Variants in LRRC4C observed in about 807,000 individuals in gnomAD.
The protein encoded by LRRC4C is leucine rich repeat containing 4C.
A neutral mutation model predicts 33.6 loss-of-function variants in LRRC4C; 5 were observed. The ratio of observed to expected loss-of-function variants is 0.15; its 90% CI spans 0.08 to 0.31. The LOEUF (loss-of-function observed/expected upper bound fraction) is 0.31. Ranked by LOEUF, LRRC4C falls within the 10% of genes least tolerant of loss-of-function variation. The probability of loss-of-function intolerance (pLI) is 1.00; values close to 1 mark genes in which losing one functional copy is unlikely to be tolerated. For synonymous variants in LRRC4C, 329 were observed against 302.0 expected (o/e 1.09, Z -0.93); for missense variants, 560 against 796.7 (o/e 0.70, Z 3.58).
At chr11:41,418,358 G>C (rs985057880) in intron 1 of LRRC4C, among the ~76,000 whole-genome samples, 1 of 151,920 alleles carries the variant, frequency 6.6e-6, no homozygotes, top group Non-Finnish European at 1.5e-5. Context: ...GTGCACTATA[G>C]AAGCAAGTAT....
intron 1 of LRRC4C, among the ~76,000 whole-genome samples, chr11:41,212,539 G>C (rs1203851532): frequency 1.3e-5 from 2 of 152,170 alleles, no homozygotes; most frequent in African/African-American, 4.8e-5. Flanking sequence ...TAGGTATTAA[G>C]CTCAGCATAC....
intron 6 of LRRC4C, among the ~76,000 whole-genome samples, chr11:40,120,729 G>A (rs1855764284): frequency 6.6e-6 from 1 of 152,092 alleles, no homozygotes; most frequent in Non-Finnish European, 1.5e-5. Flanking sequence ...AATAGCACAA[G>A]AGTAAAGAAG....
chr11:41,095,824 ATC>A (rs1440425241), intron 1 of LRRC4C, among the ~76,000 whole-genome samples: 1 of 152,158 alleles, frequency 6.6e-6, no homozygotes, highest in Non-Finnish European at 1.5e-5. Context: ...TTTGATTTCC[ATC>A]TGTCTGACTC....
At chr11:41,137,938 T>G (rs1462768673) in intron 1 of LRRC4C, among the ~76,000 whole-genome samples, 1 of 152,192 alleles carries the variant, frequency 6.6e-6, no homozygotes, top group Admixed American at 6.5e-5. Flanking sequence ...CTAGATGATA[T>G]ACTAGTTGTT....
chr11:40,968,845 G>C (rs546532555), intron 1 of LRRC4C, among the ~76,000 whole-genome samples: 2 of 152,254 alleles, frequency 1.3e-5, no homozygotes, highest in East Asian at 3.9e-4. Context: ...TGTACAAGGA[G>C]ATTACTGTTA....
intron 1 of LRRC4C, among the ~76,000 whole-genome samples, chr11:40,963,540 C>A (rs751505136): frequency 6.6e-6 from 1 of 151,674 alleles, no homozygotes; most frequent in Admixed American, 6.6e-5. Context: ...GACTGCCTTA[C>A]AATATAGCTC....
intron 3 of LRRC4C, among the ~76,000 whole-genome samples, chr11:40,513,886 G>A (rs1010857977): frequency 3.3e-5 from 5 of 152,204 alleles, no homozygotes; most frequent in African/African-American, 1.2e-4. Context: ...ACAGGAAAGG[G>A]TGATAGAAAC....
chr11:40,581,762 G>A (rs1443341108), intron 3 of LRRC4C, among the ~76,000 whole-genome samples: 2 of 152,068 alleles, frequency 1.3e-5, no homozygotes, highest in Non-Finnish European at 2.9e-5. Context: ...AATTAGCTGG[G>A]CATGGTGGCA....
chr11:41,271,723 A>T (rs1949327608), intron 1 of LRRC4C, among the ~76,000 whole-genome samples: 1 of 152,086 alleles, frequency 6.6e-6, no homozygotes, highest in Non-Finnish European at 1.5e-5. Flanking sequence ...GAGACCAGGA[A>T]TTGTTTTGCT....
intron 1 of LRRC4C, among the ~76,000 whole-genome samples, chr11:41,107,585 TTAAA>T (rs1414689416): frequency 6.6e-6 from 1 of 152,142 alleles, no homozygotes; most frequent in African/African-American, 2.4e-5. Flanking sequence ...TGAAGATTAT[TTAAA>T]TGAGAAGATT....
At chr11:40,481,488 G>T (rs1565432392) in intron 3 of LRRC4C, among the ~76,000 whole-genome samples, 1 of 152,080 alleles carries the variant, frequency 6.6e-6, no homozygotes, top group African/African-American at 2.4e-5. Context: ...ACTGTTGATT[G>T]TCAGGTGGAT....
intron 2 of LRRC4C, among the ~76,000 whole-genome samples, chr11:40,716,865 G>A (rs1365901269): frequency 1.3e-5 from 2 of 152,150 alleles, no homozygotes; most frequent in Non-Finnish European, 2.9e-5. Context: ...TCAGGGAGGT[G>A]ACCATTAGAA....
At chr11:41,141,203 T>C (rs1383120815) in intron 1 of LRRC4C, among the ~76,000 whole-genome samples, 1 of 152,090 alleles carries the variant, frequency 6.6e-6, no homozygotes, top group Non-Finnish European at 1.5e-5. Flanking sequence ...ACCAGGTTTT[T>C]AAAATTATCC....
At chr11:40,348,337 C>G (rs1947231394) in intron 3 of LRRC4C, among the ~76,000 whole-genome samples, 1 of 151,624 alleles carries the variant, frequency 6.6e-6, no homozygotes, top group Non-Finnish European at 1.5e-5. Context: ...TCACCTCAAG[C>G]CAGAAAAAAA....
In LRRC4C at chr11:40,331,363, C is replaced by T. The variant is rs534285287; in HGVS notation, c.-269-11642G>A. Among the ~76,000 whole-genome samples, 3 of 152,276 alleles carry T rather than the reference C, an allele frequency of 2.0e-5. No homozygotes were observed. In the South Asian group the frequency reaches 6.2e-4, roughly 32 times the overall value. ...AAGTCGTATCTGCATTCCCTTGTTT[C>T]TTGCAACACTATTTACAATAGCCAA... On this transcript the variant is annotated intron_variant, in intron 3 of 6. Transcript: ENST00000528697.
chr11:41,167,239 T>G (rs1244970554), intron 1 of LRRC4C, among the ~76,000 whole-genome samples: 2 of 152,176 alleles, frequency 1.3e-5, no homozygotes, highest in Non-Finnish European at 2.9e-5. Flanking sequence ...CTGGTATGCT[T>G]GAGTTGAAAA....
intron 1 of LRRC4C, among the ~76,000 whole-genome samples, chr11:41,272,231 G>A (rs1275345550): frequency 2.0e-5 from 3 of 152,122 alleles, no homozygotes; most frequent in Non-Finnish European, 2.9e-5. Flanking sequence ...TGCTGTGGAT[G>A]TCTGTGAAGT....
intron 1 of LRRC4C, among the ~76,000 whole-genome samples, chr11:41,230,304 C>T (rs1384261887): frequency 6.6e-6 from 1 of 151,998 alleles, no homozygotes; most frequent in East Asian, 1.9e-4. Flanking sequence ...CATGATTTTT[C>T]CAAATAATCC....
chr11:40,712,059 T>A (rs940034486), intron 2 of LRRC4C, among the ~76,000 whole-genome samples: 1 of 152,162 alleles, frequency 6.6e-6, no homozygotes, highest in Admixed American at 6.5e-5. Context: ...ACAGGAGGGC[T>A]AAAGGCAAGG....
Sources: gnomAD v4.1 joint callset for allele counts (sites outside exome capture counted in the v4.1 genomes callset) on GRCh38, gnomAD v4.1.1 for gene constraint, MANE v1.5 for transcripts, NCBI Gene and HGNC (gene_info 2026-07-23, HGNC 2026-07-21) for gene names.